The following AGAP1 variants were observed in gnomAD, a reference collection of about 807,000 sequenced individuals.
AGAP1 encodes ArfGAP with GTPase domain, ankyrin repeat and PH domain 1.
A neutral mutation model predicts 105.3 loss-of-function variants in AGAP1; 29 were observed. The observed-to-expected ratio is 0.28, with a 90% CI of 0.21 to 0.38. The LOEUF is 0.38. AGAP1 is among the 10% of genes least tolerant of loss of function. The pLI is 1.00. For synonymous variants in AGAP1, 509 were observed against 485.9 expected, an observed-to-expected ratio of 1.05 and a Z score of -0.63; for missense variants, 998 against 1,165.1, an observed-to-expected ratio of 0.86 and a Z score of 2.09.
rs1055832548 is a variant in AGAP1, at chr2:235,555,721, T to G, written c.163+60872T>G. ...TGGCCTTGTCAGTCTCCTTCTGTGA[T>G]TCAGACCGTAGTGAAGCCCTGGTTG... On this transcript the variant is annotated intron_variant, in intron 1 of 17. Transcript: ENST00000304032. The surrounding 1 kb of genome is among the most constrained non-coding windows in gnomAD (Gnocchi z 5.1). Among the ~76,000 whole-genome samples the G allele has an allele frequency of 6.6e-6, 1 of 152,236 alleles. No individual in the cohort carries two copies. The highest frequency in any genetic ancestry group is 2.4e-5 in the African/African-American group (1 of 41,462).
At position 235,733,128 on chromosome 2, in the gene AGAP1, C is replaced by G. The variant is rs1297623870; in HGVS notation, c.311-7835C>G. ...AATTTACCACATCCTCTTCCAGGTTCCCTTCACCCATCCTGCGGGGTGGGA... is the reference window on the plus strand; with the variant it reads ...AATTTACCACATCCTCTTCCAGGTTGCCTTCACCCATCCTGCGGGGTGGGA... On this transcript the variant is annotated intron_variant, in intron 3 of 17. Coordinates refer to ENST00000304032, the MANE Select transcript of AGAP1 (RefSeq NM_001037131.3). The surrounding 1 kb of genome is among the most constrained non-coding windows in gnomAD (Gnocchi z 5.0). Among the ~76,000 whole-genome samples the G allele has an allele frequency of 6.6e-6, 1 of 152,226 alleles. No individual in the cohort carries two copies. The highest frequency in any genetic ancestry group is 1.5e-5 in the Non-Finnish European group (1 of 68,038).
rs183560987 is a variant in AGAP1, at chr2:236,061,375, C to T, written c.2114+12094C>T. Among the ~76,000 whole-genome samples, 32 of 152,308 alleles carry T rather than the reference C, an allele frequency of 2.1e-4. No homozygotes were observed. The highest frequency in any genetic ancestry group is 7.7e-4 in the African/African-American group (32 of 41,576). On this transcript the variant is annotated intron_variant, in intron 16 of 17. Coordinates refer to ENST00000304032, the MANE Select transcript of AGAP1 (RefSeq NM_001037131.3). The surrounding 1 kb of genome is among the most constrained non-coding windows in gnomAD (Gnocchi z 4.1). ...TCTATACCTAAGATAAATGAAAACA[C>T]TTGTCCACACAAAAATGTACACCTG... is the stretch of plus-strand genomic sequence containing the variant.
intron 1 of AGAP1, among the ~76,000 whole-genome samples, chr2:235,505,481 G>A (rs769959521): frequency 9.8e-5 from 15 of 152,304 alleles, no homozygotes; most frequent in South Asian, 4.1e-4. Context: ...TACTCACTTT[G>A]TTTAGTAGGG....
Position 236,123,922 on chromosome 2 carries a change from G to A in AGAP1, c.2374G>A (p.Gly792Arg), listed in dbSNP as rs150946814. The A allele has an allele frequency of 1.5e-4, 235 of 1,612,772 alleles. 4 individuals carry two copies. In the South Asian group the frequency reaches 2.0e-3, roughly 14 times the overall value. ...GTGGGCTCCCTTACCTCCGCAGTAC[G>A]GAGTGGACGTCACGGCCCGAGATGC... is the stretch of plus-strand genomic sequence containing the variant. ...VVLAQLLIWY[G>R]VDVTARDAHG... The change falls in exon 18 of 18, where the codon GGA becomes AGA. Residue 792 changes from glycine (G) to arginine (R), a missense_variant. Gly to Arg is a moderately radical substitution (Grantham distance 125). Transcript: ENST00000304032. This position sits in a 1 kb window ranked among gnomAD's most constrained non-coding sequence, Gnocchi z 4.6.
At position 235,729,501 on chromosome 2, in the gene AGAP1, AGTCTCACGGCG is replaced by A. The variant is rs748334272; in HGVS notation, c.311-11454_311-11444del. 1.6e-4 allele frequency among the ~76,000 whole-genome samples: 24 copies of A among 152,236 alleles called. No homozygotes were observed. Among genetic ancestry groups the A allele is most frequent in the Non-Finnish European group, 2.8e-4 (19 of 68,014 alleles). On this transcript the variant is annotated intron_variant, in intron 3 of 17. Transcript: ENST00000304032. This position sits in a 1 kb window ranked among gnomAD's most constrained non-coding sequence, Gnocchi z 5.0. Reference sequence around the variant, plus strand: ...TCCCCCAGGAGGATGCTGTAGGGGCAGTCTCACGGCGGTCTCACCTCTGCCACCTGTGGATG... The same window carrying A: ...TCCCCCAGGAGGATGCTGTAGGGGCAGTCTCACCTCTGCCACCTGTGGATG...
rs965571061 is a variant in AGAP1, at chr2:235,734,843, G to C, written c.311-6120G>C. Among the ~76,000 whole-genome samples, 1 of 152,244 alleles carries C rather than the reference G, an allele frequency of 6.6e-6. No homozygotes were observed. The highest frequency in any genetic ancestry group is 1.5e-5 in the Non-Finnish European group (1 of 68,052). ...AGAGAGGAGGCGTAAGAAGCAGTCA[G>C]AACGTCTGGATTGGAGTCTTGGTCC... On this transcript the variant is annotated intron_variant, in intron 3 of 17. Coordinates refer to ENST00000304032, the MANE Select transcript of AGAP1 (RefSeq NM_001037131.3). The surrounding 1 kb of genome is among the most constrained non-coding windows in gnomAD (Gnocchi z 5.3).
Position 236,050,791 on chromosome 2 carries a change from G to A in AGAP1, c.2114+1510G>A, listed in dbSNP as rs2057874189. ...TTTAATATCATGAATTATTAGAAAA[G>A]TTTGTTTATCCATCCATTAAAATTT... On this transcript the variant is annotated intron_variant, in intron 16 of 17. Coordinates refer to ENST00000304032, the MANE Select transcript of AGAP1 (RefSeq NM_001037131.3). The surrounding 1 kb of genome is among the most constrained non-coding windows in gnomAD (Gnocchi z 4.0). Among the ~76,000 whole-genome samples, 1 of 152,122 alleles carries A rather than the reference G, an allele frequency of 6.6e-6. No homozygotes were observed. Among genetic ancestry groups the A allele is most frequent in the African/African-American group, 2.4e-5 (1 of 41,428 alleles).
chr2:236,088,113 T>G (rs1196800937), intron 16 of AGAP1, among the ~76,000 whole-genome samples: 2 of 152,220 alleles, frequency 1.3e-5, no homozygotes, highest in African/African-American at 4.8e-5. Flanking sequence ...TGCCTTTCAT[T>G]GTGAACCTTA....
At position 235,639,860 on chromosome 2, in the gene AGAP1, G is replaced by A. The variant is rs1045963778; in HGVS notation, c.164-69319G>A. 6.6e-6 allele frequency among the ~76,000 whole-genome samples: 1 copy of A among 152,178 alleles called. No individual in the cohort carries two copies. The highest frequency in any genetic ancestry group is 1.5e-5 in the Non-Finnish European group (1 of 68,044). ...TGGATTATTTGCAACGTCTTGAGGGGTCCACGGATTGATAGAGTCAGCAGG... is the reference window on the plus strand; with the variant it reads ...TGGATTATTTGCAACGTCTTGAGGGATCCACGGATTGATAGAGTCAGCAGG... On this transcript the variant is annotated intron_variant, in intron 1 of 17. Coordinates refer to ENST00000304032, the MANE Select transcript of AGAP1 (RefSeq NM_001037131.3). The surrounding 1 kb of genome is among the most constrained non-coding windows in gnomAD (Gnocchi z 5.3).
chr2:235,874,939 G>A lies in AGAP1; in HGVS notation c.1051-8406G>A, dbSNP rs1229690630. 1.3e-5 allele frequency among the ~76,000 whole-genome samples: 2 copies of A among 152,200 alleles called. No homozygotes were observed. Among genetic ancestry groups the A allele is most frequent in the African/African-American group, 4.8e-5 (2 of 41,464 alleles). On this transcript the variant is annotated intron_variant, in intron 9 of 17. Transcript: ENST00000304032. This position sits in a 1 kb window ranked among gnomAD's most constrained non-coding sequence, Gnocchi z 4.5. ...ATATCATGGCCCCACATTTCCATTA[G>A]ATAGGCAGTAACCTCTTGTGAAGCG...
intron 12 of AGAP1, among the ~76,000 whole-genome samples, chr2:235,940,012 G>C (rs764591478): frequency 6.6e-5 from 10 of 152,142 alleles, no homozygotes; most frequent in Non-Finnish European, 1.3e-4. Flanking sequence ...GAGTTGGGCG[G>C]CTCATGCTCA....
rs141154600 is a variant in AGAP1, at chr2:235,687,278, C to T, written c.164-21901C>T. On this transcript the variant is annotated intron_variant, in intron 1 of 17. Coordinates refer to ENST00000304032, the MANE Select transcript of AGAP1 (RefSeq NM_001037131.3). ...GAGATGTTTGTGACATTTCCCATTT[C>T]TTTGAAGTCTAAAGTAGATATTGAT... Among the ~76,000 whole-genome samples, 38 of 152,296 alleles carry T rather than the reference C, an allele frequency of 2.5e-4. 1 individual carries two copies. The highest frequency in any genetic ancestry group is 8.7e-4 in the African/African-American group (36 of 41,558).
chr2:235,927,822 G>A lies in AGAP1; in HGVS notation c.1325-2943G>A, dbSNP rs979229652. Among the ~76,000 whole-genome samples the A allele has an allele frequency of 6.6e-6, 1 of 152,194 alleles. No individual in the cohort carries two copies. Among genetic ancestry groups the A allele is most frequent in the Non-Finnish European group, 1.5e-5 (1 of 68,042 alleles). The stretch of plus-strand genomic sequence containing the variant: ...GCGGTGCTCTATTGAGTGCCATGTT[G>A]TCATCGTTGTCCCAAAGATGGAGGG... On this transcript the variant is annotated intron_variant, in intron 11 of 17. Coordinates refer to ENST00000304032, the MANE Select transcript of AGAP1 (RefSeq NM_001037131.3). This position sits in a 1 kb window ranked among gnomAD's most constrained non-coding sequence, Gnocchi z 4.4.
intron 8 of AGAP1, among the ~76,000 whole-genome samples, chr2:235,806,646 CAG>C (rs1559510268): frequency 6.6e-6 from 1 of 152,182 alleles, no homozygotes; most frequent in African/African-American, 2.4e-5. Context: ...AGGCGATTAT[CAG>C]GGGTTTTTTT....
At chr2:235,749,402 C>CT (rs1467292373) in intron 5 of AGAP1, among the ~76,000 whole-genome samples, 1 of 151,346 alleles carries the variant, frequency 6.6e-6, no homozygotes, top group African/African-American at 2.4e-5. Flanking sequence ...AGCTCAGTTT[C>CT]TTTTTTAGGA....
At position 235,705,872 on chromosome 2, in the gene AGAP1, A is replaced by T. The variant is rs1950509179; in HGVS notation, c.164-3307A>T. Reference sequence around the variant, plus strand: ...ATCTTTGTTTAATGGAGCACTGCTTAATTTATAATGAATATTTTATATTGT... The same window carrying T: ...ATCTTTGTTTAATGGAGCACTGCTTTATTTATAATGAATATTTTATATTGT... On this transcript the variant is annotated intron_variant, in intron 1 of 17. Transcript: ENST00000304032. The surrounding 1 kb of genome is among the most constrained non-coding windows in gnomAD (Gnocchi z 4.9). Among the ~76,000 whole-genome samples, 1 of 152,224 alleles carries T rather than the reference A, an allele frequency of 6.6e-6. No homozygotes were observed. The highest frequency in any genetic ancestry group is 6.5e-5 in the Admixed American group (1 of 15,286).
chr2:236,057,135 G>A (rs1045562817), intron 16 of AGAP1, among the ~76,000 whole-genome samples: 4 of 152,010 alleles, frequency 2.6e-5, no homozygotes, highest in Middle Eastern at 3.2e-3. Context: ...TTTTGGTGGC[G>A]TCTCTCTCTG....
At chr2:235,858,181 G>A (rs10169296) in intron 9 of AGAP1, among the ~76,000 whole-genome samples, 110,950 of 152,108 alleles carry the variant, frequency 0.73, 40,872 homozygotes, top group East Asian at 0.99. Flanking sequence ...TAAGTTGGGC[G>A]TATAAAATCG....
chr2:235,732,849 C>T lies in AGAP1; in HGVS notation c.311-8114C>T, dbSNP rs1189560308. Among the ~76,000 whole-genome samples the T allele has an allele frequency of 4.6e-5, 7 of 152,152 alleles. No individual in the cohort carries two copies. The highest frequency in any genetic ancestry group is 8.8e-5 in the Non-Finnish European group (6 of 68,010). ...ATGCTCTCATCCTGAGTGTCCTGGA[C>T]GAGATGGGCCAGACCATTCTACCCA... On this transcript the variant is annotated intron_variant, in intron 3 of 17. Transcript: ENST00000304032. This position sits in a 1 kb window ranked among gnomAD's most constrained non-coding sequence, Gnocchi z 4.8.
Sources: allele counts gnomAD v4.1 joint callset (sites outside exome capture counted in the v4.1 genomes callset), GRCh38; gene constraint gnomAD v4.1.1; non-coding constraint Gnocchi (gnomAD v3.1); transcripts MANE v1.5; gene names NCBI Gene and HGNC (gene_info 2026-07-23, HGNC 2026-07-21).